The following SLC25A47 variants were observed in gnomAD, a reference collection of about 807,000 sequenced individuals.
SLC25A47 encodes the protein HCC-down-regulated mitochondrial carrier protein.
Under a neutral mutation model 29.8 loss-of-function variants are expected in SLC25A47, and 30 were observed. That is an observed-to-expected ratio of 1.01 (90% CI 0.75 to 1.36). SLC25A47 has a LOEUF of 1.36. Ranked by LOEUF, SLC25A47 falls within the 40% of genes most tolerant of loss-of-function variation. The pLI is 0.00. For missense variants in SLC25A47, 430 were observed against 441.9 expected (o/e 0.97, Z 0.24); for synonymous variants, 204 against 197.8 (o/e 1.03, Z -0.26).
chr14:100,328,930 C>T lies in SLC25A47; in HGVS notation c.532C>T (p.Leu178Phe). The T allele has an allele frequency of 6.2e-7, 1 of 1,607,678 alleles. No homozygotes were observed. Among genetic ancestry groups the T allele is most frequent in the Non-Finnish European group, 8.5e-7 (1 of 1,179,882 alleles). Residue 178 changes from leucine to phenylalanine, a missense_variant, in exon 5 of 6, where the codon CTC becomes TTC. Physicochemically the swap from Leu to Phe is conservative, Grantham distance 22. Coordinates refer to ENST00000361529, the MANE Select transcript of SLC25A47 (RefSeq NM_207117.4). ...AGCCCGTGAGGAGGGGCTGTGCGGC[C>T]TCTACAAGGGCAGCTCGGCCCTGGT... is the stretch of plus-strand genomic sequence containing the variant. ...TVAREEGLCGLYKGSSALVLR... is the reference protein window; with the variant it reads ...TVAREEGLCGFYKGSSALVLR...
In SLC25A47 at chr14:100,329,889, G is replaced by A. The variant is rs1566826359; in HGVS notation, c.*244G>A. ...CTAGGGTGGCAGGAGCCAGGGAGGA[G>A]TGGGCCTCTTTGATGAGAGCGTTGA... On this transcript the variant is annotated 3_prime_UTR_variant, in exon 6 of 6. Transcript: ENST00000361529. 8.7e-6 allele frequency: 5 copies of A among 577,486 alleles called. No individual in the cohort carries two copies. The highest frequency in any genetic ancestry group is 1.2e-5 in the Non-Finnish European group (4 of 325,726). 35.8% of individuals were successfully genotyped at this position (577,486 alleles called of 1,614,324 possible). A position where few individuals can be genotyped will look rare whatever the true frequency, so the allele number is the denominator to read the frequency against.
intron 1 of SLC25A47, 74 bp downstream of exon 1, chr14:100,323,516 G>A: frequency 6.4e-7 from 1 of 1,574,364 alleles, no homozygotes; most frequent in South Asian, 1.1e-5. Context: ...GGTCCAGGAA[G>A]GTGCTGGGCA....
At chr14:100,325,456 G>A (rs971457707) in intron 1 of SLC25A47, among the ~76,000 whole-genome samples, 8 of 152,214 alleles carry the variant, frequency 5.3e-5, no homozygotes, top group Admixed American at 1.3e-4. Context: ...AGGATCAAAC[G>A]TTCTCTCAGA....
chr14:100,324,063 G>T (rs1431080475), intron 1 of SLC25A47, among the ~76,000 whole-genome samples: 1 of 152,106 alleles, frequency 6.6e-6, no homozygotes, highest in South Asian at 2.1e-4. Flanking sequence ...GCTCCATCCC[G>T]TGGGCTGTGG....
At position 100,328,958 on chromosome 14, in the gene SLC25A47, TACGGG is replaced by T; in HGVS notation, c.565_569del (p.Asp189ProfsTer107). 6.2e-7 allele frequency: 1 copy of T among 1,603,658 alleles called. No homozygotes were observed. The highest frequency in any genetic ancestry group is 8.5e-7 in the Non-Finnish European group (1 of 1,179,880). ...TACAAGGGCAGCTCGGCCCTGGTCT[TACGGG>T]ACGGCCACTCCTTTGCCACCTACTT... is the stretch of plus-strand genomic sequence containing the variant. On this transcript the variant is annotated frameshift_variant, in exon 5 of 6. Transcript: ENST00000361529. LOFTEE classifies it high-confidence loss of function.
chr14:100,328,950 C>A lies in SLC25A47; in HGVS notation c.552C>A (p.Ala184=). The A allele has an allele frequency of 6.2e-7, 1 of 1,604,672 alleles. No individual in the cohort carries two copies. The highest frequency in any genetic ancestry group is 8.5e-7 in the Non-Finnish European group (1 of 1,179,894). ...GLCGLYKGSS[A]LVLRDGHSFA... ...GCGGCCTCTACAAGGGCAGCTCGGC[C>A]CTGGTCTTACGGGACGGCCACTCCT... The change falls in exon 5 of 6, where the codon GCC becomes GCA. Residue 184 remains alanine, a synonymous_variant. Coordinates refer to ENST00000361529, the MANE Select transcript of SLC25A47 (RefSeq NM_207117.4).
intron 4 of SLC25A47, 116 bp downstream of exon 4, chr14:100,327,486 T>C (rs1893363560): frequency 2.5e-6 from 3 of 1,180,124 alleles, no homozygotes; most frequent in Middle Eastern, 2.7e-4. Context: ...CTGGAGGCCA[T>C]GCATGGAGTC....
rs756975985 is a variant in SLC25A47 at position 100,327,215 on chromosome 14, C to T, written c.172C>T (p.Leu58=). The change falls in exon 4 of 6, where the codon CTG becomes TTG. Residue 58 remains leucine, a synonymous_variant. Transcript: ENST00000361529. The part of the protein sequence containing the change: ...RVWGFYRGLS[L]PVCTVSLVSS... ...GTGGGGCTTCTACCGGGGCCTCTCG[C>T]TGCCCGTGTGCACGGTGTCCCTGGT... 1 of 1,609,110 alleles carries T rather than the reference C, an allele frequency of 6.2e-7. No individual in the cohort carries two copies. Among genetic ancestry groups the T allele is most frequent in the Non-Finnish European group, 8.5e-7 (1 of 1,179,192 alleles).
At chr14:100,328,100 G>A (rs1893373238) in intron 4 of SLC25A47, among the ~76,000 whole-genome samples, 1 of 146,126 alleles carries the variant, frequency 6.8e-6, no homozygotes, top group African/African-American at 2.5e-5. Flanking sequence ...GTGGCAGCCA[G>A]TATGTCTAGT....
At position 100,328,770 on chromosome 14, in the gene SLC25A47, G is replaced by A. The variant is rs1893386264; in HGVS notation, c.372G>A (p.Gln124=). 3.1e-6 allele frequency: 5 copies of A among 1,612,848 alleles called. No homozygotes were observed. The highest frequency in any genetic ancestry group is 4.5e-5 in the East Asian group (2 of 44,886). The change falls in exon 5 of 6, where the codon CAG becomes CAA. Residue 124 remains glutamine, a synonymous_variant. Transcript: ENST00000361529. ...CTGAGGTGGCCAAAGTCCGCTTGCA[G>A]ACGCAGACACAGGCGCAGAAGCAGC... ...SPTEVAKVRL[Q]TQTQAQKQQR...
chr14:100,326,268 G>A, intron 3 of SLC25A47, 40 bp downstream of exon 3: 1 of 1,587,872 alleles, frequency 6.3e-7, no homozygotes, highest in South Asian at 1.1e-5. Context: ...AGACAGGGAG[G>A]GGATGCTGGG....
intron 1 of SLC25A47, 104 bp downstream of exon 1, chr14:100,323,546 GC>G: frequency 7.4e-7 from 1 of 1,357,320 alleles, no homozygotes. Flanking sequence ...GCTTTGAGGA[GC>G]CCCTCACCCC....
At position 100,328,792 on chromosome 14, in the gene SLC25A47, C is replaced by G; in HGVS notation, c.394C>G (p.Gln132Glu). The G allele has an allele frequency of 6.2e-7, 1 of 1,612,990 alleles. No homozygotes were observed. Among genetic ancestry groups the G allele is most frequent in the Non-Finnish European group, 8.5e-7 (1 of 1,179,940 alleles). Residue 132 changes from glutamine to glutamate, a missense_variant, in exon 5 of 6, where the codon CAG (glutamine) becomes GAG (glutamate). Transcript: ENST00000361529. ...RLQTQTQAQK[Q>E]QRRLSASGPL... is the part of the protein sequence containing the mutation. ...GCAGACGCAGACACAGGCGCAGAAG[C>G]AGCAGCGGCGGCTTTCGGCCTCGGG... is the stretch of plus-strand genomic sequence containing the variant.
chr14:100,329,550 C>A lies in SLC25A47; in HGVS notation c.832C>A (p.Leu278Met). 6.2e-7 allele frequency: 1 copy of A among 1,613,614 alleles called. No homozygotes were observed. Among genetic ancestry groups the A allele is most frequent in the South Asian group, 1.1e-5 (1 of 91,088 alleles). Reference sequence around the variant, plus strand: ...GGGACCCCGGGTCCTTTTCAAGGGGCTGGTACTCAATTGCTGCCGCGCCTT... The same window carrying A: ...GGGACCCCGGGTCCTTTTCAAGGGGATGGTACTCAATTGCTGCCGCGCCTT... ...EEGPRVLFKG[L>M]VLNCCRAFPV... Residue 278 changes from leucine to methionine, a missense_variant, in exon 6 of 6, where the codon CTG (leucine) becomes ATG (methionine). Transcript: ENST00000361529.
At chr14:100,325,933 C>G in intron 2 of SLC25A47, 102 bp downstream of exon 2, 1 of 1,302,136 alleles carries the variant, frequency 7.7e-7, no homozygotes, top group Non-Finnish European at 1.1e-6. Flanking sequence ...CTTTCCTACC[C>G]AAATGCCTTC....
Position 100,329,861 on chromosome 14 carries a change from G to A in SLC25A47, c.*216G>A. On this transcript the variant is annotated 3_prime_UTR_variant, in exon 6 of 6. Transcript: ENST00000361529. ...GGCCCGCCAGCCATCAGCCAGGGTT[G>A]GCCTAGGGTGGCAGGAGCCAGGGAG... The A allele has an allele frequency of 3.1e-6, 2 of 646,886 alleles. 1 individual carries two copies. The highest frequency in any genetic ancestry group is 4.0e-5 in the South Asian group (2 of 49,948). 40.1% of individuals were successfully genotyped at this position (646,886 alleles called of 1,614,324 possible).
intron 2 of SLC25A47, 163 bp downstream of exon 2, chr14:100,325,994 T>C: frequency 1.0e-6 from 1 of 973,898 alleles, no homozygotes; most frequent in Non-Finnish European, 1.5e-6. Flanking sequence ...TTCTCACCCC[T>C]GTGCCCCAGG....
rs546218628 is a variant in SLC25A47, at chr14:100,329,732, C to T, written c.*87C>T. The T allele has an allele frequency of 1.7e-5, 26 of 1,502,508 alleles. No individual in the cohort carries two copies. The East Asian group carries it at 1.8e-4, about 10-fold the overall frequency. The allele number at this position is 1,502,508 out of a possible 1,614,324, so 93.1% of individuals were successfully genotyped here. Reference sequence around the variant, plus strand: ...AGGCAAGGGGTAGTGTGGCTGGGTTCGGGACCCCACAGGGCCATTGCCCAG... The same window carrying T: ...AGGCAAGGGGTAGTGTGGCTGGGTTTGGGACCCCACAGGGCCATTGCCCAG... On this transcript the variant is annotated 3_prime_UTR_variant, in exon 6 of 6. Coordinates refer to ENST00000361529, the MANE Select transcript of SLC25A47 (RefSeq NM_207117.4).
chr14:100,329,774 C>A lies in SLC25A47; in HGVS notation c.*129C>A. On this transcript the variant is annotated 3_prime_UTR_variant, in exon 6 of 6. Coordinates refer to ENST00000361529, the MANE Select transcript of SLC25A47 (RefSeq NM_207117.4). ...ATTGCCCAGGAGAATGAGGAGCCTC[C>A]CTGCAGTGTTGTCGGCCGAGGCCTG... The A allele has an allele frequency of 7.8e-7, 1 of 1,280,392 alleles. No homozygotes were observed. The highest frequency in any genetic ancestry group is 1.1e-6 in the Non-Finnish European group (1 of 935,998). 79.3% of individuals were successfully genotyped at this position (1,280,392 alleles called of 1,614,324 possible).
Sources: allele counts gnomAD v4.1 joint callset (sites outside exome capture counted in the v4.1 genomes callset), GRCh38; gene constraint gnomAD v4.1.1; transcripts MANE v1.5; gene names NCBI Gene and HGNC (gene_info 2026-07-23, HGNC 2026-07-21).